The following ABL1 variants were observed in gnomAD, a reference collection of about 807,000 sequenced individuals.
ABL1 encodes the protein tyrosine-protein kinase ABL1.
In ABL1, 11 loss-of-function variants were observed where a neutral mutation model predicts 94.7. That is an observed-to-expected ratio of 0.12 (90% CI 0.07 to 0.19). The LOEUF (loss-of-function observed/expected upper bound fraction) is 0.19. ABL1 is among the 10% of genes least tolerant of loss of function. ABL1 has a pLI of 1.00. For missense variants in ABL1, 1,082 were observed against 1,489.4 expected (o/e 0.73, Z 4.50); for synonymous variants, 656 against 622.4 (o/e 1.05, Z -0.80).
rs540050633 is a variant in ABL1 at position 130,745,621 on chromosome 9, C to T, written c.136+31166C>T. On this transcript the variant is annotated intron_variant, in intron 1 of 10. Transcript: ENST00000372348. Reference sequence around the variant, plus strand: ...AAATGACCTTCACATTTAGGTTTCTCACTCTAAAGTTATTTCTTAAATATT... The same window carrying T: ...AAATGACCTTCACATTTAGGTTTCTTACTCTAAAGTTATTTCTTAAATATT... 8.2e-4 allele frequency among the ~76,000 whole-genome samples: 124 copies of T among 152,000 alleles called. 1 individual carries two copies. Among genetic ancestry groups the T allele is most frequent in the Admixed American group, 1.6e-3 (24 of 15,248 alleles).
intron 3 of ABL1, among the ~76,000 whole-genome samples, chr9:130,859,830 A>G (rs1457904374): frequency 6.6e-6 from 1 of 151,070 alleles, no homozygotes; most frequent in Non-Finnish European, 1.5e-5. Context: ...ACAGGTGCCC[A>G]CCAGCATGCC....
Position 130,883,972 on chromosome 9 carries a change from C to A in ABL1, c.1682C>A (p.Pro561His), listed in dbSNP as rs1588282759. The A allele has an allele frequency of 1.2e-6, 2 of 1,610,538 alleles. No individual in the cohort carries two copies. Among genetic ancestry groups the A allele is most frequent in the Non-Finnish European group, 1.7e-6 (2 of 1,178,862 alleles). ...AGCTCTTCCCCTTGCGTTTCAGATCCTCTGGACCATGAGCCTGCCGTGTCT... is the reference window on the plus strand; with the variant it reads ...AGCTCTTCCCCTTGCGTTTCAGATCATCTGGACCATGAGCCTGCCGTGTCT... ...PHSKGQGESD[P>H]LDHEPAVSPL... The change falls in exon 11 of 11, where the codon CCT becomes CAT. Residue 561 changes from proline (P) to histidine (H), a missense_variant. Physicochemically the swap from Pro to His is moderately conservative, Grantham distance 77. Coordinates refer to ENST00000318560, the MANE Select transcript of ABL1 (RefSeq NM_005157.6).
chr9:130,781,859 T>TA (rs1829760307), intron 1 of ABL1, among the ~76,000 whole-genome samples: 1 of 152,008 alleles, frequency 6.6e-6, no homozygotes, highest in Non-Finnish European at 1.5e-5. Context: ...GGAGGTAATA[T>TA]AGAATAATGC....
exon 1 of ABL1, among the ~76,000 whole-genome samples, chr9:130,713,386 G>T (rs1302386422): frequency 1.3e-5 from 2 of 152,194 alleles, no homozygotes; most frequent in Non-Finnish European, 2.9e-5. Flanking sequence ...CACTGCGGGT[G>T]GTCTGTTTCC....
At chr9:130,753,264 A>AT (rs1391064609) in intron 1 of ABL1, among the ~76,000 whole-genome samples, 1 of 152,012 alleles carries the variant, frequency 6.6e-6, no homozygotes, top group Non-Finnish European at 1.5e-5. Flanking sequence ...TCAAAAAAAA[A>AT]GAACACCCTT....
In ABL1 at chr9:130,884,888, C is replaced by T; in HGVS notation, c.2598C>T (p.Ser866=). The T allele has an allele frequency of 6.2e-7, 1 of 1,608,800 alleles. No homozygotes were observed. The highest frequency in any genetic ancestry group is 8.5e-7 in the Non-Finnish European group (1 of 1,178,208). The change falls in exon 11 of 11, where the codon AGC becomes AGT. Residue 866 remains serine, a synonymous_variant. Transcript: ENST00000318560. This position sits in a 1 kb window ranked among gnomAD's most constrained non-coding sequence, Gnocchi z 5.6. ...KAGSGAPGGT[S]KGPAEESRVR... is the part of the protein sequence containing the mutation. ...GCTCAGGTGCACCAGGGGGCACCAG[C>T]AAGGGCCCCGCCGAGGAGTCCAGAG...
intron 3 of ABL1, among the ~76,000 whole-genome samples, chr9:130,860,922 GAA>G (rs942777963): frequency 2.0e-5 from 3 of 152,194 alleles, no homozygotes; most frequent in African/African-American, 7.2e-5. Context: ...GACCAGCAGT[GAA>G]GAGAGTGCGT....
intron 1 of ABL1, among the ~76,000 whole-genome samples, chr9:130,792,464 A>T (rs1477140341): frequency 6.6e-6 from 1 of 150,912 alleles, no homozygotes; most frequent in Admixed American, 6.6e-5. Context: ...CTACTTCCCT[A>T]CCCCTAGTGG....
intron 1 of ABL1, among the ~76,000 whole-genome samples, chr9:130,838,416 A>AT (rs897198339): frequency 6.6e-6 from 1 of 152,050 alleles, no homozygotes; most frequent in Non-Finnish European, 1.5e-5. Flanking sequence ...AGTAGGATTA[A>AT]TTTTTTTTAA....
chr9:130,763,623 G>A (rs1832144903), intron 1 of ABL1, among the ~76,000 whole-genome samples: 2 of 152,340 alleles, frequency 1.3e-5, no homozygotes, highest in African/African-American at 4.8e-5. Flanking sequence ...GGCGAGCAGT[G>A]CTGGCAGTTG....
rs567680837 is a variant in ABL1, at chr9:130,729,480, G to C, written c.136+15025G>C. ...GCTTCCTCAGTTCACAGAGATGGCT[G>C]CTGTCAGTTTAGGTTTCATCTCCCT... On this transcript the variant is annotated intron_variant, in intron 1 of 10. Coordinates refer to the ABL1 transcript ENST00000372348. 1.1e-4 allele frequency among the ~76,000 whole-genome samples: 17 copies of C among 152,298 alleles called. No individual in the cohort carries two copies. In the South Asian group the frequency reaches 3.5e-3, roughly 32 times the overall value.
At chr9:130,729,901 A>ATT (rs551141408) in intron 1 of ABL1, among the ~76,000 whole-genome samples, 177 of 130,550 alleles carry the variant, frequency 1.4e-3, no homozygotes, top group African/African-American at 1.7e-3. Context: ...ACACCAGGCT[A>ATT]TTTTTTTTTT....
intron 1 of ABL1, among the ~76,000 whole-genome samples, chr9:130,853,501 AC>A (rs1378408990): frequency 4.3e-5 from 6 of 138,222 alleles, no homozygotes; most frequent in African/African-American, 1.6e-4. Flanking sequence ...TGAGACCTCC[AC>A]CTCCTGGGTT....
chr9:130,736,808 A>G (rs1171193248), intron 1 of ABL1, among the ~76,000 whole-genome samples: 1 of 152,180 alleles, frequency 6.6e-6, no homozygotes, highest in African/African-American at 2.4e-5. Context: ...CGTTTTTAAC[A>G]TGTTTAGGGG....
chr9:130,716,072 C>CTTTT (rs71389339), intron 1 of ABL1, among the ~76,000 whole-genome samples: 41 of 91,214 alleles, frequency 4.5e-4, no homozygotes, highest in Non-Finnish European at 6.3e-4. Flanking sequence ...GAAAAATGTC[C>CTTTT]TTTTTTTTTT....
intron 1 of ABL1, among the ~76,000 whole-genome samples, chr9:130,807,420 A>C (rs1452406033): frequency 6.6e-6 from 1 of 151,568 alleles, no homozygotes; most frequent in Non-Finnish European, 1.5e-5. Context: ...TTGTATTTTT[A>C]GTAGAGACGG....
chr9:130,742,113 A>G (rs1345354399), intron 1 of ABL1, among the ~76,000 whole-genome samples: 4 of 152,066 alleles, frequency 2.6e-5, no homozygotes, highest in African/African-American at 7.2e-5. Flanking sequence ...CAGCCCACCG[A>G]GTCATGTATG....
rs1433148795 is a variant in ABL1, at chr9:130,863,490, G to A, written c.822+455G>A. On this transcript the variant is annotated intron_variant, in intron 4 of 10. Coordinates refer to ENST00000318560, the MANE Select transcript of ABL1 (RefSeq NM_005157.6). This position sits in a 1 kb window ranked among gnomAD's most constrained non-coding sequence, Gnocchi z 4.3. ...CTGATTTGGAAGGCAGGTGCCCTGG[G>A]CATCCCCAGTGGGTTCCAATTCTGC... Among the ~76,000 whole-genome samples, 1 of 152,184 alleles carries A rather than the reference G, an allele frequency of 6.6e-6. No individual in the cohort carries two copies. The highest frequency in any genetic ancestry group is 1.9e-4 in the East Asian group (1 of 5,192).
At position 130,884,537 on chromosome 9, in the gene ABL1, G is replaced by T; in HGVS notation, c.2247G>T (p.Ser749=). The T allele has an allele frequency of 6.2e-7, 1 of 1,613,196 alleles. No individual in the cohort carries two copies. Among genetic ancestry groups the T allele is most frequent in the Non-Finnish European group, 8.5e-7 (1 of 1,180,040 alleles). ...DLQSTGRQFD[S]STFGGHKSEK... ...AGTCCACGGGAAGACAGTTTGACTC[G>T]TCCACATTTGGAGGGCACAAAAGTG... The change falls in exon 11 of 11, where the codon TCG becomes TCT. Residue 749 remains serine, a synonymous_variant. Transcript: ENST00000318560. The surrounding 1 kb of genome is among the most constrained non-coding windows in gnomAD (Gnocchi z 5.6).
Sources: gnomAD v4.1 joint callset for allele counts (sites outside exome capture counted in the v4.1 genomes callset) on GRCh38, gnomAD v4.1.1 for gene constraint, Gnocchi (gnomAD v3.1) non-coding constraint, MANE v1.5 for transcripts, NCBI Gene and HGNC (gene_info 2026-07-23, HGNC 2026-07-21) for gene names.